PABPC4L: variants seen among roughly 807,000 people sequenced by gnomAD.
PABPC4L encodes the protein poly(A) binding protein cytoplasmic 4 like.
For synonymous variants in PABPC4L, 169 were observed against 164.1 expected (o/e 1.03, Z -0.23); for missense variants, 452 against 451.4 (o/e 1.00, Z -0.01).
the PABPC4L span, among the ~76,000 whole-genome samples, chr4:134,046,575 G>C: frequency 6.6e-6 from 1 of 152,064 alleles, no homozygotes; most frequent in Admixed American, 6.6e-5. Context: ...TACGGGTATG[G>C]GGCTGGGGGA....
the PABPC4L span, among the ~76,000 whole-genome samples, chr4:134,189,284 T>G: frequency 6.7e-6 from 1 of 150,366 alleles, no homozygotes; most frequent in African/African-American, 2.5e-5. Flanking sequence ...GTTGTCATAG[T>G]TGAGTCTGGT....
the PABPC4L span, among the ~76,000 whole-genome samples, chr4:134,101,172 A>G: frequency 8.4e-3 from 1,267 of 151,592 alleles, 6 homozygotes; most frequent in Non-Finnish European, 0.014. Context: ...GTTTGTTTTT[A>G]AATATATTTT....
the PABPC4L span, among the ~76,000 whole-genome samples, chr4:134,148,928 G>A: frequency 1.3e-5 from 2 of 151,960 alleles, no homozygotes; most frequent in East Asian, 3.9e-4. Context: ...CAAAGACCTA[G>A]AAGAGGTCCA....
chr4:134,071,463 T>C, the PABPC4L span, among the ~76,000 whole-genome samples: 1 of 152,188 alleles, frequency 6.6e-6, no homozygotes, highest in Non-Finnish European at 1.5e-5. Flanking sequence ...TTGATCAATA[T>C]CCAAACACAA....
the PABPC4L span, among the ~76,000 whole-genome samples, chr4:134,021,807 G>C: frequency 3.9e-5 from 6 of 151,966 alleles, no homozygotes; most frequent in Non-Finnish European, 8.8e-5. Context: ...ATATTTCCCT[G>C]TTCTAGACAT....
the PABPC4L span, among the ~76,000 whole-genome samples, chr4:134,054,156 G>T: frequency 6.7e-6 from 1 of 149,482 alleles, no homozygotes; most frequent in Non-Finnish European, 1.5e-5. Flanking sequence ...GCTTAATTTA[G>T]TCATCTTCAA....
chr4:134,033,590 A>C, the PABPC4L span, among the ~76,000 whole-genome samples: 2 of 152,006 alleles, frequency 1.3e-5, no homozygotes, highest in Admixed American at 6.6e-5. Flanking sequence ...GTGAACATAC[A>C]AATGATAAGG....
At chr4:134,100,896 A>G in the PABPC4L span, among the ~76,000 whole-genome samples, 5 of 151,614 alleles carry the variant, frequency 3.3e-5, no homozygotes, top group Admixed American at 6.6e-5. Context: ...GCTTTAATGG[A>G]GAATTTATTT....
At chr4:134,097,928 T>C in the PABPC4L span, among the ~76,000 whole-genome samples, 1 of 151,886 alleles carries the variant, frequency 6.6e-6, no homozygotes, top group Non-Finnish European at 1.5e-5. Flanking sequence ...TTAGAAATCT[T>C]GATAACAGGC....
chr4:133,948,989 A>G, the PABPC4L span, among the ~76,000 whole-genome samples: 2,327 of 152,310 alleles, frequency 0.015, 25 homozygotes, highest in Non-Finnish European at 0.025. Flanking sequence ...AGAGCTAACC[A>G]TTCCATGAGA....
chr4:134,037,373 T>A, the PABPC4L span, among the ~76,000 whole-genome samples: 1 of 152,132 alleles, frequency 6.6e-6, no homozygotes, highest in East Asian at 1.9e-4. Context: ...TTTGGTTAAG[T>A]ATGTTCCTAT....
At chr4:134,075,969 T>G in the PABPC4L span, among the ~76,000 whole-genome samples, 1 of 150,624 alleles carries the variant, frequency 6.6e-6, no homozygotes, top group South Asian at 2.1e-4. Flanking sequence ...ATAAGTAAAG[T>G]AAATAAACAA....
At chr4:134,034,455 C>A in the PABPC4L span, among the ~76,000 whole-genome samples, 1 of 151,932 alleles carries the variant, frequency 6.6e-6, no homozygotes, top group Non-Finnish European at 1.5e-5. Context: ...AAGGCTACAG[C>A]TGCTATAGAG....
At chr4:133,982,717 G>T in the PABPC4L span, among the ~76,000 whole-genome samples, 223 of 151,972 alleles carry the variant, frequency 1.5e-3, no homozygotes, top group Non-Finnish European at 2.6e-3. Flanking sequence ...AAATAGTCAT[G>T]GTTGCATTCC....
the PABPC4L span, among the ~76,000 whole-genome samples, chr4:134,136,099 T>C: frequency 0.45 from 68,814 of 151,854 alleles, 18,080 homozygotes; most frequent in East Asian, 0.98. Context: ...TGCAGAGAAA[T>C]AGTATAGATT....
chr4:133,952,979 G>A, the PABPC4L span, among the ~76,000 whole-genome samples: 1 of 152,098 alleles, frequency 6.6e-6, no homozygotes, highest in Non-Finnish European at 1.5e-5. Flanking sequence ...ACATTAGGGA[G>A]GAGCAAGCCA....
At chr4:134,088,269 A>G in the PABPC4L span, among the ~76,000 whole-genome samples, 4 of 152,066 alleles carry the variant, frequency 2.6e-5, no homozygotes, top group African/African-American at 9.7e-5. Flanking sequence ...ATAGAAATTT[A>G]TATCTCCAGT....
At chr4:134,026,734 G>A in the PABPC4L span, among the ~76,000 whole-genome samples, 2 of 152,100 alleles carry the variant, frequency 1.3e-5, no homozygotes, top group Non-Finnish European at 2.9e-5. Context: ...TCATTAGCGT[G>A]AGCTCCAGTC....
chr4:134,023,011 C>A, the PABPC4L span, among the ~76,000 whole-genome samples: 1 of 151,742 alleles, frequency 6.6e-6, no homozygotes, highest in Non-Finnish European at 1.5e-5. Context: ...ACTTTCAGCT[C>A]CTTAGATCTC....
Sources: gnomAD v4.1 joint callset for allele counts (sites outside exome capture counted in the v4.1 genomes callset) on GRCh38, gnomAD v4.1.1 for gene constraint, MANE v1.5 for transcripts, NCBI Gene and HGNC (gene_info 2026-07-23, HGNC 2026-07-21) for gene names.